KCNMA1: variants seen among roughly 807,000 people sequenced by gnomAD.
KCNMA1 encodes potassium calcium-activated channel subfamily M alpha 1.
KCNMA1 carries 29 observed loss-of-function variants against 140.0 expected under a neutral mutation model. That is an observed-to-expected ratio of 0.21 (90% CI 0.15 to 0.28). The LOEUF (loss-of-function observed/expected upper bound fraction) is 0.28, where lower values mean the gene tolerates loss of function less well. Ranked by LOEUF, KCNMA1 falls within the 10% of genes least tolerant of loss-of-function variation. KCNMA1 has a pLI of 1.00. For missense variants in KCNMA1, 880 were observed against 1,602.2 expected, an observed-to-expected ratio of 0.55 and a Z score of 7.70; for synonymous variants, 612 against 611.9, an observed-to-expected ratio of 1.00 and a Z score of 0.00.
chr10:77,230,958 C>T (rs1386912887), intron 3 of KCNMA1, among the ~76,000 whole-genome samples: 1 of 152,132 alleles, frequency 6.6e-6, no homozygotes, highest in Non-Finnish European at 1.5e-5. Flanking sequence ...CTGATTACTT[C>T]TTTAATTTCC....
chr10:77,451,415 T>G (rs2097656571), intron 1 of KCNMA1, among the ~76,000 whole-genome samples: 1 of 152,150 alleles, frequency 6.6e-6, no homozygotes, highest in African/African-American at 2.4e-5. Context: ...AAAGATGACT[T>G]CAACCTCGAC....
At chr10:77,528,243 A>G (rs900074270) in intron 1 of KCNMA1, among the ~76,000 whole-genome samples, 12 of 152,206 alleles carry the variant, frequency 7.9e-5, no homozygotes, top group Non-Finnish European at 4.4e-5. Flanking sequence ...TCAAGAATCC[A>G]GCAATTTCCT....
rs796962439 is a variant in KCNMA1 at position 77,130,008 on chromosome 10, C to T, written c.809-8960G>A. On this transcript the variant is annotated intron_variant, in intron 5 of 27. Transcript: ENST00000286628. ...ATTTATGATTAAATTATTGCACATA[C>T]ATTTTATTAAAATTCTAAACTGTTC... Among the ~76,000 whole-genome samples the T allele has an allele frequency of 5.9e-5, 9 of 152,186 alleles. No individual in the cohort carries two copies. In the East Asian group the frequency reaches 1.5e-3, roughly 26 times the overall value.
intron 5 of KCNMA1, among the ~76,000 whole-genome samples, chr10:77,181,531 C>T (rs924833413): frequency 6.6e-6 from 1 of 152,142 alleles, no homozygotes; most frequent in Non-Finnish European, 1.5e-5. Context: ...AAAGATTCTT[C>T]GAAGTCATCT....
At chr10:77,476,955 C>T (rs816857) in intron 1 of KCNMA1, among the ~76,000 whole-genome samples, 20,077 of 152,286 alleles carry the variant, frequency 0.13, 1,417 homozygotes, top group Admixed American at 0.18. Flanking sequence ...ACCCTACCCT[C>T]CCAGAATTCA....
intron 22 of KCNMA1, among the ~76,000 whole-genome samples, chr10:76,946,778 T>C (rs60466991): frequency 0.04 from 6,086 of 152,286 alleles, 217 homozygotes; most frequent in East Asian, 0.11. Flanking sequence ...AATTGTGATA[T>C]AAGATGATCC....
At chr10:76,955,197 C>CT (rs60670000) in intron 20 of KCNMA1, among the ~76,000 whole-genome samples, 7,992 of 141,130 alleles carry the variant, frequency 0.057, 287 homozygotes, top group Admixed American at 0.098. Context: ...TTTCTTTTTT[C>CT]TTTTTTTTTT....
chr10:77,370,598 T>C (rs1677248101), intron 2 of KCNMA1, among the ~76,000 whole-genome samples: 1 of 152,112 alleles, frequency 6.6e-6, no homozygotes, highest in African/African-American at 2.4e-5. Flanking sequence ...TCAACATGCA[T>C]CTCAACTGCA....
chr10:77,107,557 GCC>G, intron 9 of KCNMA1, among the ~76,000 whole-genome samples: 1 of 152,152 alleles, frequency 6.6e-6, no homozygotes, highest in African/African-American at 2.4e-5. Flanking sequence ...GTAAGGTACT[GCC>G]CTCTACTTAG....
chr10:77,061,300 A>G (rs2095741230), intron 14 of KCNMA1, among the ~76,000 whole-genome samples: 1 of 152,238 alleles, frequency 6.6e-6, no homozygotes, highest in Non-Finnish European at 1.5e-5. Context: ...CAAAATATAT[A>G]AAGAATTCTT....
chr10:77,210,410 T>C (rs1315265254), intron 3 of KCNMA1, among the ~76,000 whole-genome samples: 1 of 152,126 alleles, frequency 6.6e-6, no homozygotes, highest in Non-Finnish European at 1.5e-5. Flanking sequence ...CAAAGGAACA[T>C]ACCTCAAAAT....
At chr10:77,230,378 A>G (rs919594515) in intron 3 of KCNMA1, among the ~76,000 whole-genome samples, 4 of 152,196 alleles carry the variant, frequency 2.6e-5, no homozygotes, top group Non-Finnish European at 5.9e-5. Context: ...TGGTTGCATA[A>G]CATTGTGAAG....
rs368069052 is a variant in KCNMA1 at position 77,391,832 on chromosome 10, C to G, written c.540+12030G>C. 7.9e-4 allele frequency among the ~76,000 whole-genome samples: 120 copies of G among 151,900 alleles called. 2 individuals are homozygous for G. In the Middle Eastern group the frequency reaches 0.014, roughly 17 times the overall value. On this transcript the variant is annotated intron_variant, in intron 2 of 27. Coordinates refer to ENST00000286628, the MANE Select transcript of KCNMA1 (RefSeq NM_001161352.2). ...GAGTGTGACTTTCCAAGCATGCACT[C>G]CCCTGCAACGACAAAGGCTGATGAC...
intron 25 of KCNMA1, among the ~76,000 whole-genome samples, chr10:76,896,316 G>A (rs1355355590): frequency 6.6e-6 from 1 of 152,116 alleles, no homozygotes; most frequent in East Asian, 1.9e-4. Context: ...GAGAAACATG[G>A]CTCTGTTCCA....
At chr10:77,609,264 T>C (rs2085812839) in intron 1 of KCNMA1, among the ~76,000 whole-genome samples, 1 of 152,190 alleles carries the variant, frequency 6.6e-6, no homozygotes, top group South Asian at 2.1e-4. Flanking sequence ...TATTCAGCCT[T>C]TAAAAAAGAA....
chr10:77,517,360 C>A (rs923015554), intron 1 of KCNMA1, among the ~76,000 whole-genome samples: 1 of 152,194 alleles, frequency 6.6e-6, no homozygotes, highest in East Asian at 1.9e-4. Flanking sequence ...GCCTCTCAGG[C>A]CCCCTGGGCG....
chr10:77,164,163 C>G (rs1053043937), intron 5 of KCNMA1, among the ~76,000 whole-genome samples: 2 of 152,224 alleles, frequency 1.3e-5, no homozygotes, highest in Admixed American at 6.5e-5. Flanking sequence ...CCCTCTGACT[C>G]AGCAGCCTGA....
intron 2 of KCNMA1, among the ~76,000 whole-genome samples, chr10:77,333,396 G>A (rs1602956642): frequency 7.0e-6 from 1 of 142,982 alleles, no homozygotes; most frequent in Non-Finnish European, 1.5e-5. Flanking sequence ...AAGAAAGAAA[G>A]AAAGAAAAGA....
intron 14 of KCNMA1, among the ~76,000 whole-genome samples, chr10:77,062,344 A>G (rs1213400545): frequency 6.6e-6 from 1 of 152,138 alleles, no homozygotes; most frequent in Non-Finnish European, 1.5e-5. Context: ...AGGATTAACT[A>G]TATTTTTTTC....
Sources: allele counts gnomAD v4.1 joint callset (sites outside exome capture counted in the v4.1 genomes callset), GRCh38; gene constraint gnomAD v4.1.1; transcripts MANE v1.5; gene names NCBI Gene and HGNC (gene_info 2026-07-23, HGNC 2026-07-21).